The following FGFR2 variants were observed in gnomAD, a reference collection of about 807,000 sequenced individuals.
FGFR2 encodes BEK fibroblast growth factor receptor.
A neutral mutation model predicts 95.9 loss-of-function variants in FGFR2; 19 were observed. That is an observed-to-expected ratio of 0.20 (90% confidence interval 0.14 to 0.29). FGFR2 has a LOEUF of 0.29. FGFR2 is among the 10% of genes least tolerant of loss of function. The pLI is 1.00. For missense variants in FGFR2, 707 were observed against 1,056.9 expected (o/e 0.67, Z 4.59); for synonymous variants, 392 against 393.3 (o/e 1.00, Z 0.04).
chr10:121,521,176 C>T lies in FGFR2; in HGVS notation c.749-1007G>A, dbSNP rs147541841. Among the ~76,000 whole-genome samples, 180 of 152,294 alleles carry T rather than the reference C, an allele frequency of 1.2e-3. 1 individual carries two copies. Among genetic ancestry groups the T allele is most frequent in the African/African-American group, 4.0e-3 (165 of 41,550 alleles). ...ACAAGTAGATGTTTCTTAGCTTATT[C>T]CAATATGGCACTGAATGAAACATAA... On this transcript the variant is annotated intron_variant, in intron 6 of 17. Coordinates refer to ENST00000358487, the MANE Select transcript of FGFR2 (RefSeq NM_000141.5).
At chr10:121,593,475 C>T (rs1384225034) in intron 2 of FGFR2, among the ~76,000 whole-genome samples, 1 of 152,122 alleles carries the variant, frequency 6.6e-6, no homozygotes, top group African/African-American at 2.4e-5. Flanking sequence ...CCTCACCCAG[C>T]ACAGAGAAAC....
intron 9 of FGFR2, among the ~76,000 whole-genome samples, chr10:121,506,949 G>T (rs947573850): frequency 3.3e-5 from 5 of 152,184 alleles, no homozygotes; most frequent in Non-Finnish European, 7.3e-5. Context: ...ATGAACAACG[G>T]AAAAGAAAAC....
intron 5 of FGFR2, among the ~76,000 whole-genome samples, chr10:121,547,340 G>GA (rs1223453592): frequency 6.6e-6 from 1 of 152,032 alleles, no homozygotes; most frequent in African/African-American, 2.4e-5. Context: ...AGGAAGTGCC[G>GA]AGGAATGAAA....
rs181797500 is a variant in FGFR2, at chr10:121,571,836, G to C, written c.110-6132C>G. Among the ~76,000 whole-genome samples, 30 of 151,906 alleles carry C rather than the reference G, an allele frequency of 2.0e-4. No individual in the cohort carries two copies. The East Asian group carries it at 4.5e-3, about 23-fold the overall frequency. On this transcript the variant is annotated intron_variant, in intron 2 of 17. Transcript: ENST00000358487. ...CGCATGCCTATAGTCCCAGCTACTC[G>C]GGAGGCTGAGGCAGGAGAATCGCTT...
chr10:121,547,450 A>G (rs1447549810), intron 5 of FGFR2, among the ~76,000 whole-genome samples: 1 of 149,016 alleles, frequency 6.7e-6, no homozygotes, highest in Non-Finnish European at 1.5e-5. Flanking sequence ...GCTGGACTGC[A>G]GAGGCATAAT....
rs887489547 is a variant in FGFR2 at position 121,519,961 on chromosome 10, G to C, written c.939+18C>G. ...GAGACCCCAGTTGTGGGTACCTTTA[G>C]ATTCAGAAAGTCCTCACCTTGAGAA... On this transcript the variant is annotated intron_variant, in intron 7 of 17. Transcript: ENST00000358487. 2 of 1,613,946 alleles carry C rather than the reference G, an allele frequency of 1.2e-6. No individual in the cohort carries two copies. Among genetic ancestry groups the C allele is most frequent in the African/African-American group, 2.7e-5 (2 of 75,054 alleles).
intron 9 of FGFR2, among the ~76,000 whole-genome samples, chr10:121,513,533 C>T (rs917598880): frequency 6.6e-6 from 1 of 152,174 alleles, no homozygotes; most frequent in Non-Finnish European, 1.5e-5. Flanking sequence ...TGCCAAATTA[C>T]AAGTTGCCTC....
At chr10:121,523,717 G>A (rs1850888072) in intron 6 of FGFR2, among the ~76,000 whole-genome samples, 1 of 152,188 alleles carries the variant, frequency 6.6e-6, no homozygotes, top group African/African-American at 2.4e-5. Flanking sequence ...GCATGTGTGT[G>A]TGTAGTGTGG....
At chr10:121,503,443 T>C (rs1226023984) in intron 10 of FGFR2, among the ~76,000 whole-genome samples, 1 of 152,226 alleles carries the variant, frequency 6.6e-6, no homozygotes, top group Non-Finnish European at 1.5e-5. Context: ...CTTGTTCTAG[T>C]AACCAAAAGC....
intron 4 of FGFR2, among the ~76,000 whole-genome samples, chr10:121,552,839 A>G (rs995910212): frequency 6.6e-6 from 1 of 152,232 alleles, no homozygotes; most frequent in African/African-American, 2.4e-5. Context: ...AGGCTAATTC[A>G]TAACTATGCT....
In FGFR2 at chr10:121,496,518, T is replaced by C. The variant is rs1460235029; in HGVS notation, c.1863+14A>G. The C allele has an allele frequency of 6.2e-7, 1 of 1,613,842 alleles. No homozygotes were observed. The highest frequency in any genetic ancestry group is 8.5e-7 in the Non-Finnish European group (1 of 1,179,700). On this transcript the variant is annotated intron_variant, in intron 13 of 17. Coordinates refer to ENST00000358487, the MANE Select transcript of FGFR2 (RefSeq NM_000141.5). ...TTGGATTCCACCCAGCCAAGTAGAATGTGAAAGACTCACTTTTTGGGAAGC... is the reference window on the plus strand; with the variant it reads ...TTGGATTCCACCCAGCCAAGTAGAACGTGAAAGACTCACTTTTTGGGAAGC...
chr10:121,488,030 T>C lies in FGFR2; in HGVS notation c.1947A>G (p.Arg649=), dbSNP rs1283734863. The change falls in exon 14 of 18, where the codon AGA becomes AGG. Residue 649 remains arginine (R), a synonymous_variant. Transcript: ENST00000358487. ...TGTAATAGTCTATATTGTTGATATCTCTGGCGAGTCCAAAGTCTGCTATTT... is the reference window on the plus strand; with the variant it reads ...TGTAATAGTCTATATTGTTGATATCCCTGGCGAGTCCAAAGTCTGCTATTT... ...VMKIADFGLA[R]DINNIDYYKK... 6.6e-5 allele frequency: 107 copies of C among 1,614,086 alleles called. No homozygotes were observed. The Admixed American group carries it at 1.8e-3, about 27-fold the overall frequency.
At chr10:121,577,178 T>TATAGAGAGAGAGAGAGAG in intron 2 of FGFR2, among the ~76,000 whole-genome samples, 18 of 5,208 alleles carry the variant, frequency 3.5e-3, no homozygotes, top group South Asian at 6.8e-3. Flanking sequence ...TATATATATA[T>TATAGAGAGAGAGAGAGAG]AGAGAGAGAG....
At chr10:121,537,796 G>A (rs1853075169) in intron 6 of FGFR2, among the ~76,000 whole-genome samples, 1 of 152,100 alleles carries the variant, frequency 6.6e-6, no homozygotes, top group Non-Finnish European at 1.5e-5. Flanking sequence ...TACATGGAAG[G>A]GATCTTAACC....
chr10:121,575,576 C>T (rs111333946), intron 2 of FGFR2, among the ~76,000 whole-genome samples: 3,860 of 152,240 alleles, frequency 0.025, 156 homozygotes, highest in African/African-American at 0.088. Flanking sequence ...GAGTCCTGGC[C>T]GAGTGCGGTG....
chr10:121,551,975 CAG>C lies in FGFR2; in HGVS notation c.455-518_455-517del, dbSNP rs1855479812. 2.6e-5 allele frequency among the ~76,000 whole-genome samples: 4 copies of C among 151,770 alleles called. No individual in the cohort carries two copies. In the South Asian group the frequency reaches 8.3e-4, roughly 32 times the overall value. On this transcript the variant is annotated intron_variant, in intron 4 of 17. Coordinates refer to ENST00000358487, the MANE Select transcript of FGFR2 (RefSeq NM_000141.5). ...GTCATTCTAATATAATAAAATAACCCAGAGAGTCATTCGTACATTTCTCAGAA... is the reference window on the plus strand; with the variant it reads ...GTCATTCTAATATAATAAAATAACCCAGAGTCATTCGTACATTTCTCAGAA...
chr10:121,566,770 G>A (rs1046302825), intron 2 of FGFR2, among the ~76,000 whole-genome samples: 1 of 151,950 alleles, frequency 6.6e-6, no homozygotes, highest in Admixed American at 6.6e-5. Flanking sequence ...AAAGGCGTGG[G>A]TCTCATGGTT....
Position 121,479,460 on chromosome 10 carries a change from T to C in FGFR2, c.*397A>G. ...TATATATTTATACATAATTTGAATA[T>C]ATTTACATACATCCAGCACCTATAT... On this transcript the variant is annotated 3_prime_UTR_variant, in exon 18 of 18. Transcript: ENST00000358487. The C allele has an allele frequency of 2.0e-6, 1 of 497,802 alleles. No individual in the cohort carries two copies. Among genetic ancestry groups the C allele is most frequent in the Non-Finnish European group, 3.4e-6 (1 of 292,098 alleles). 30.8% of individuals were successfully genotyped at this position (497,802 alleles called of 1,614,324 possible).
chr10:121,576,418 G>A (rs1022542174), intron 2 of FGFR2, among the ~76,000 whole-genome samples: 42 of 152,270 alleles, frequency 2.8e-4, no homozygotes, highest in African/African-American at 8.9e-4. Context: ...ACATAGCAGA[G>A]AAAGCTGGTA....
Sources: gnomAD v4.1 joint callset for allele counts (sites outside exome capture counted in the v4.1 genomes callset) on GRCh38, gnomAD v4.1.1 for gene constraint, MANE v1.5 for transcripts, NCBI Gene and HGNC (gene_info 2026-07-23, HGNC 2026-07-21) for gene names.